SHISA9: variants seen among roughly 807,000 people sequenced by gnomAD.
SHISA9 encodes the protein protein shisa-9.
SHISA9 carries 13 observed loss-of-function variants against 38.0 expected under a neutral mutation model. That is an observed-to-expected ratio of 0.34 (90% CI 0.22 to 0.54). The LOEUF (loss-of-function observed/expected upper bound fraction) is 0.54, where lower values mean the gene tolerates loss of function less well. Among genes scored for constraint, SHISA9 ranks in the 20% least tolerant of loss-of-function variants. The pLI, the probability that SHISA9 is intolerant of heterozygous loss-of-function variation, is 0.91. For synonymous variants in SHISA9, 275 were observed against 242.0 expected (o/e 1.14, Z -1.27); for missense variants, 538 against 575.8 (o/e 0.93, Z 0.67).
the SHISA9 span, among the ~76,000 whole-genome samples, chr16:13,472,723 T>C: frequency 6.6e-6 from 1 of 152,154 alleles, no homozygotes; most frequent in Non-Finnish European, 1.5e-5. Flanking sequence ...TCTTTTCTCT[T>C]TTAATTTCAT....
chr16:13,096,208 G>A (rs1239730044), intron 2 of SHISA9, among the ~76,000 whole-genome samples: 1 of 152,206 alleles, frequency 6.6e-6, no homozygotes, highest in Non-Finnish European at 1.5e-5. Flanking sequence ...AAAATTTTCA[G>A]TGTAGGCCTT....
intron 2 of SHISA9, among the ~76,000 whole-genome samples, chr16:12,964,916 T>C (rs1351043960): frequency 6.6e-6 from 1 of 152,226 alleles, no homozygotes; most frequent in African/African-American, 2.4e-5. Context: ...ATATAATTAG[T>C]GATCATGGGA....
chr16:12,946,330 A>G (rs2071688019), intron 2 of SHISA9, among the ~76,000 whole-genome samples: 1 of 152,180 alleles, frequency 6.6e-6, no homozygotes. Context: ...AGAATCTCAT[A>G]GTCTTATTGG....
the SHISA9 span, among the ~76,000 whole-genome samples, chr16:13,548,641 A>G: frequency 6.6e-6 from 1 of 151,900 alleles, no homozygotes; most frequent in Non-Finnish European, 1.5e-5. Context: ...GGGAAATGCA[A>G]ATCAGAACCA....
chr16:13,001,119 G>A (rs555754756), intron 2 of SHISA9, among the ~76,000 whole-genome samples: 2 of 152,276 alleles, frequency 1.3e-5, no homozygotes, highest in South Asian at 4.1e-4. Context: ...GTAGAGACGG[G>A]GTTTCACCAT....
chr16:13,191,653 C>A (rs541343043), intron 2 of SHISA9, among the ~76,000 whole-genome samples: 24 of 152,224 alleles, frequency 1.6e-4, no homozygotes, highest in East Asian at 3.9e-4. Flanking sequence ...AAATTTGAGT[C>A]CAAAATGGAC....
the SHISA9 span, among the ~76,000 whole-genome samples, chr16:13,442,843 G>C: frequency 1.3e-5 from 2 of 152,130 alleles, no homozygotes; most frequent in Admixed American, 6.5e-5. Flanking sequence ...TGGTGGAAGG[G>C]TGCATGGGAG....
chr16:13,546,567 G>A, the SHISA9 span, among the ~76,000 whole-genome samples: 8 of 152,120 alleles, frequency 5.3e-5, no homozygotes, highest in Non-Finnish European at 8.8e-5. Flanking sequence ...ATTGAAAGAC[G>A]TAAAGTAGCT....
chr16:12,946,418 A>G (rs1421333375), intron 2 of SHISA9, among the ~76,000 whole-genome samples: 2 of 152,220 alleles, frequency 1.3e-5, no homozygotes, highest in East Asian at 3.8e-4. Context: ...GTTTCCTAGA[A>G]GCAAAGCCTG....
chr16:13,300,271 G>T, the SHISA9 span, among the ~76,000 whole-genome samples: 2 of 151,986 alleles, frequency 1.3e-5, no homozygotes, highest in Non-Finnish European at 2.9e-5. Context: ...TTTCTGAGTG[G>T]GATACTATGA....
At chr16:13,334,010 T>G in the SHISA9 span, among the ~76,000 whole-genome samples, 20 of 152,250 alleles carry the variant, frequency 1.3e-4, no homozygotes, top group Non-Finnish European at 2.6e-4. Context: ...TGTTTTCACA[T>G]GAATCTTATT....
the SHISA9 span, among the ~76,000 whole-genome samples, chr16:13,492,475 A>G: frequency 6.6e-6 from 1 of 152,220 alleles, no homozygotes; most frequent in Non-Finnish European, 1.5e-5. Flanking sequence ...AGGGATTTTT[A>G]GAACATTACA....
rs568297853 is a variant in SHISA9, at chr16:13,009,422, C to T, written c.691+92607C>T. ...CACACCTTGCTCAGGATCATAACCT[C>T]GGAGGCTTCTTGATTTTCAGGAAGG... is the stretch of plus-strand genomic sequence containing the variant. On this transcript the variant is annotated intron_variant, in intron 2 of 4. Coordinates refer to ENST00000558583, the MANE Select transcript of SHISA9 (RefSeq NM_001145204.3). 8.5e-5 allele frequency among the ~76,000 whole-genome samples: 13 copies of T among 152,194 alleles called. No homozygotes were observed. In the South Asian group the frequency reaches 1.0e-3, roughly 12 times the overall value.
chr16:13,008,290 A>G (rs1028552626), intron 2 of SHISA9, among the ~76,000 whole-genome samples: 5 of 151,732 alleles, frequency 3.3e-5, no homozygotes, highest in African/African-American at 1.2e-4. Context: ...TCATTAATAC[A>G]CTCTTCCCCG....
intron 2 of SHISA9, among the ~76,000 whole-genome samples, chr16:13,127,460 G>A (rs1264545503): frequency 6.6e-6 from 1 of 151,764 alleles, no homozygotes; most frequent in Non-Finnish European, 1.5e-5. Flanking sequence ...GAGGGAGGGA[G>A]AGAGAGAAAC....
chr16:13,315,260 G>A, the SHISA9 span, among the ~76,000 whole-genome samples: 1 of 152,212 alleles, frequency 6.6e-6, no homozygotes, highest in African/African-American at 2.4e-5. Flanking sequence ...CTACCTCCCT[G>A]TCTTTAAAAG....
intron 2 of SHISA9, among the ~76,000 whole-genome samples, chr16:13,099,527 A>G (rs779904441): frequency 6.6e-6 from 1 of 151,862 alleles, no homozygotes; most frequent in Non-Finnish European, 1.5e-5. Flanking sequence ...TTCAGCCTTG[A>G]CTTGATGGGG....
At chr16:13,336,108 C>T in the SHISA9 span, among the ~76,000 whole-genome samples, 2 of 152,166 alleles carry the variant, frequency 1.3e-5, no homozygotes, top group Non-Finnish European at 2.9e-5. Context: ...CGTGGTTTCC[C>T]GTCTCCCAGG....
At chr16:13,041,614 T>C (rs561724028) in intron 2 of SHISA9, among the ~76,000 whole-genome samples, 4 of 152,320 alleles carry the variant, frequency 2.6e-5, no homozygotes, top group African/African-American at 9.6e-5. Context: ...AAGAGTTGAT[T>C]TTAAGAAAGC....
Sources: allele counts gnomAD v4.1 joint callset (sites outside exome capture counted in the v4.1 genomes callset), GRCh38; gene constraint gnomAD v4.1.1; transcripts MANE v1.5; gene names NCBI Gene and HGNC (gene_info 2026-07-23, HGNC 2026-07-21).